BICDL1: variants seen among roughly 807,000 people sequenced by gnomAD.
BICDL1 encodes the protein BICD family-like cargo adapter 1.
BICDL1 carries 20 observed loss-of-function variants against 76.8 expected under a neutral mutation model. The observed-to-expected ratio is 0.26, with a 90% CI of 0.18 to 0.38. The LOEUF (loss-of-function observed/expected upper bound fraction) is 0.38. BICDL1 is among the 10% of genes least tolerant of loss of function. BICDL1 has a pLI of 1.00. For missense variants in BICDL1, 700 were observed against 798.6 expected (o/e 0.88, Z 1.49); for synonymous variants, 383 against 337.1 (o/e 1.14, Z -1.49).
chr12:120,006,542 TAAG>T (rs1951853975), intron 2 of BICDL1, among the ~76,000 whole-genome samples: 1 of 151,866 alleles, frequency 6.6e-6, no homozygotes, highest in Non-Finnish European at 1.5e-5. Flanking sequence ...TAAAACCAGG[TAAG>T]GAGGAGAAAG....
chr12:120,091,600 A>G (rs1874976326), intron 9 of BICDL1: 1 of 984,636 alleles, frequency 1.0e-6, no homozygotes, highest in Non-Finnish European at 1.2e-6. Context: ...AGGGAAGAAG[A>G]CAAGGGCAAG....
Position 120,090,102 on chromosome 12 carries a change from G to A in BICDL1, c.1704+31G>A, listed in dbSNP as rs937030648. The A allele has an allele frequency of 4.3e-6, 7 of 1,609,434 alleles. No homozygotes were observed. The Admixed American group carries it at 8.4e-5, about 19-fold the overall frequency. ...CTGGAGCCTGAGATCCAGGGCGAGA[G>A]GAGACTCCAGGAGGAATCTCTGAAC... On this transcript the variant is annotated intron_variant, in intron 9 of 9. Transcript: ENST00000548673.
intron 7 of BICDL1, among the ~76,000 whole-genome samples, chr12:120,077,473 C>T (rs1376915627): frequency 1.4e-5 from 2 of 141,348 alleles, no homozygotes; most frequent in Non-Finnish European, 3.1e-5. Context: ...AATATGAACA[C>T]GTTATCGGTG....
chr12:120,056,935 G>A (rs4767875), intron 2 of BICDL1: 80,535 of 375,922 alleles, frequency 0.21, 9,411 homozygotes, highest in East Asian at 0.4. Flanking sequence ...GCAGGTTAGG[G>A]CTCTACAGAG....
At chr12:120,060,877 A>G (rs560449378) in intron 2 of BICDL1, among the ~76,000 whole-genome samples, 1 of 152,310 alleles carries the variant, frequency 6.6e-6, no homozygotes, top group East Asian at 1.9e-4. Context: ...CCGTTCCAGC[A>G]CACGGTGATC....
chr12:119,994,827 G>A (rs1441164282), intron 1 of BICDL1, among the ~76,000 whole-genome samples: 1 of 152,140 alleles, frequency 6.6e-6, no homozygotes, highest in Non-Finnish European at 1.5e-5. Context: ...ATTTCCAAAA[G>A]AGCTGGAAAG....
At chr12:120,059,909 C>T (rs1170036260) in intron 2 of BICDL1, among the ~76,000 whole-genome samples, 5 of 152,006 alleles carry the variant, frequency 3.3e-5, no homozygotes, top group Non-Finnish European at 5.9e-5. Context: ...GACTGGGTTT[C>T]ACCATGTTGG....
At chr12:120,006,315 A>G (rs1489001989) in intron 2 of BICDL1, among the ~76,000 whole-genome samples, 3 of 152,214 alleles carry the variant, frequency 2.0e-5, no homozygotes, top group South Asian at 2.1e-4. Flanking sequence ...TTATCTTTAT[A>G]TATGTTGTAT....
At position 120,064,862 on chromosome 12, in the gene BICDL1, C is replaced by T. The variant is rs1460763591; in HGVS notation, c.892C>T (p.His298Tyr). Residue 298 changes from histidine to tyrosine, a missense_variant, in exon 4 of 10, where the codon CAT becomes TAT. Transcript: ENST00000548673. Reference protein sequence around the residue: ...DRVLILERQGHDKDLQLHQSQ... With the variant: ...DRVLILERQGYDKDLQLHQSQ... ...GGTGCTAATCCTGGAGAGGCAGGGC[C>T]ATGACAAGGACCTACAGGTACTGGG... 1 of 1,611,412 alleles carries T rather than the reference C, an allele frequency of 6.2e-7. No homozygotes were observed. Among genetic ancestry groups the T allele is most frequent in the Admixed American group, 1.7e-5 (1 of 59,594 alleles).
intron 2 of BICDL1, among the ~76,000 whole-genome samples, chr12:120,021,707 T>A (rs1401759853): frequency 6.9e-6 from 1 of 145,934 alleles, no homozygotes; most frequent in Non-Finnish European, 1.5e-5. Flanking sequence ...CAGTTGGAGA[T>A]CAACCTGGCT....
Position 119,999,627 on chromosome 12 carries a change from C to G in BICDL1, c.645+891C>G, listed in dbSNP as rs10492050. 2,700 of 279,914 alleles carry G rather than the reference C, an allele frequency of 9.6e-3. 91 individuals are homozygous for G. The highest frequency in any genetic ancestry group is 0.058 in the African/African-American group (2,578 of 44,812). 17.3% of individuals were successfully genotyped at this position (279,914 alleles called of 1,614,324 possible). On this transcript the variant is annotated intron_variant, in intron 2 of 9. Coordinates refer to ENST00000548673, the MANE Select transcript of BICDL1 (RefSeq NM_001367886.1). ...GTGTCATGGAAGTATTAACCAAAGT[C>G]AAGGCTGTAAAATCATTTCAAGGAA...
chr12:120,070,877 G>T (rs552858645), intron 4 of BICDL1, among the ~76,000 whole-genome samples: 6 of 150,836 alleles, frequency 4.0e-5, no homozygotes, highest in African/African-American at 7.3e-5. Context: ...GATTACAGGC[G>T]CCTGCCACCA....
chr12:120,013,022 G>T (rs73408796), intron 2 of BICDL1, among the ~76,000 whole-genome samples: 1 of 152,144 alleles, frequency 6.6e-6, no homozygotes, highest in South Asian at 2.1e-4. Flanking sequence ...AAGTTATAAA[G>T]CCTGTGGGCC....
chr12:120,023,809 A>G (rs1010603152), intron 2 of BICDL1, among the ~76,000 whole-genome samples: 1 of 152,044 alleles, frequency 6.6e-6, no homozygotes, highest in African/African-American at 2.4e-5. Context: ...AAAGGAAAAA[A>G]AAAAGATTCC....
intron 1 of BICDL1, among the ~76,000 whole-genome samples, chr12:119,990,931 T>C (rs1356578862): frequency 1.3e-5 from 2 of 152,248 alleles, no homozygotes; most frequent in South Asian, 4.1e-4. Context: ...TACTTTTCTG[T>C]GTTCTGGGTC....
chr12:119,998,826 C>T lies in BICDL1; in HGVS notation c.645+90C>T, dbSNP rs552596368. On this transcript the variant is annotated intron_variant, in intron 2 of 9. Transcript: ENST00000548673. ...GCTTATGCCTGTGACGCCAGCATTTCGGGAGGCCAAGGTGGGAGAAGCACT... is the reference window on the plus strand; with the variant it reads ...GCTTATGCCTGTGACGCCAGCATTTTGGGAGGCCAAGGTGGGAGAAGCACT... 45 of 1,283,412 alleles carry T rather than the reference C, an allele frequency of 3.5e-5. No homozygotes were observed. In the African/African-American group the frequency reaches 4.6e-4, roughly 13 times the overall value. 79.5% of individuals were successfully genotyped at this position (1,283,412 alleles called of 1,614,324 possible).
At chr12:119,992,319 A>G (rs1275611714) in intron 1 of BICDL1, 2 of 152,254 alleles carry the variant, frequency 1.3e-5, no homozygotes, top group Non-Finnish European at 2.9e-5. Flanking sequence ...TTTTCCCCAC[A>G]GTACATTGTT....
intron 8 of BICDL1, among the ~76,000 whole-genome samples, chr12:120,086,706 T>G (rs1874443836): frequency 1.3e-5 from 2 of 152,232 alleles, no homozygotes; most frequent in African/African-American, 4.8e-5. Context: ...AAAATAAATC[T>G]TGGGCTAGCA....
intron 9 of BICDL1, 147 bp from the exon 10 acceptor site, chr12:120,092,852 CT>C: frequency 7.2e-7 from 1 of 1,394,140 alleles, no homozygotes; most frequent in Non-Finnish European, 9.3e-7. Flanking sequence ...ACGCTCACCG[CT>C]TTCTTGGTCA....
Sources: gnomAD v4.1 joint callset for allele counts (sites outside exome capture counted in the v4.1 genomes callset) on GRCh38, gnomAD v4.1.1 for gene constraint, MANE v1.5 for transcripts, NCBI Gene and HGNC (gene_info 2026-07-23, HGNC 2026-07-21) for gene names.